CDC42BPB: variants seen among roughly 807,000 people sequenced by gnomAD.
CDC42BPB encodes the protein serine/threonine-protein kinase MRCK beta.
In CDC42BPB, 37 loss-of-function variants were observed where a neutral mutation model predicts 214.9. That is an observed-to-expected ratio of 0.17 (90% CI 0.13 to 0.23). The LOEUF (loss-of-function observed/expected upper bound fraction) is 0.23, where lower values mean the gene tolerates loss of function less well. Among genes scored for constraint, CDC42BPB ranks in the 10% least tolerant of loss-of-function variants. CDC42BPB has a pLI of 1.00. For synonymous variants in CDC42BPB, 931 were observed against 884.0 expected, an observed-to-expected ratio of 1.05 and a Z score of -0.94; for missense variants, 1,694 against 2,227.0, an observed-to-expected ratio of 0.76 and a Z score of 4.82.
intron 17 of CDC42BPB, 129 bp from the exon 18 acceptor site, chr14:102,966,516 T>G: frequency 2.0e-6 from 3 of 1,469,294 alleles, no homozygotes; most frequent in Non-Finnish European, 2.7e-6. Context: ...GTGCCCGCAG[T>G]GTACCCGTTG....
intron 36 of CDC42BPB, among the ~76,000 whole-genome samples, chr14:102,935,568 T>TCA (rs1891613518): frequency 1.3e-5 from 2 of 152,204 alleles, no homozygotes; most frequent in African/African-American, 2.4e-5. Flanking sequence ...GGCGGGCAGA[T>TCA]CACTTGAGGT....
rs535563368 is a variant in CDC42BPB, at chr14:102,944,795, C to T, written c.3812-308G>A. ...GTGCACCAGGGCTCCAGCTGGGCAG[C>T]GCTTCCACCTGGGTCCTCGCGCAGC... On this transcript the variant is annotated intron_variant, in intron 29 of 36. Coordinates refer to ENST00000361246, the MANE Select transcript of CDC42BPB (RefSeq NM_006035.4). The surrounding 1 kb of genome is among the most constrained non-coding windows in gnomAD (Gnocchi z 6.6). 1.1e-5 allele frequency: 5 copies of T among 452,032 alleles called. No homozygotes were observed. Among genetic ancestry groups the T allele is most frequent in the East Asian group, 1.5e-4 (1 of 6,612 alleles). The allele number at this position is 452,032 out of a possible 1,614,324, so 28.0% of individuals were successfully genotyped here.
intron 3 of CDC42BPB, among the ~76,000 whole-genome samples, chr14:103,007,709 G>A (rs1309904980): frequency 6.6e-6 from 1 of 152,236 alleles, no homozygotes; most frequent in African/African-American, 2.4e-5. Context: ...ATGGCAGCCT[G>A]CAAGGAGGGG....
intron 12 of CDC42BPB, among the ~76,000 whole-genome samples, chr14:102,972,822 CAGCCG>C (rs1161565770): frequency 6.7e-6 from 1 of 150,198 alleles, no homozygotes; most frequent in African/African-American, 2.5e-5. Flanking sequence ...GTCACCTGCA[CAGCCG>C]CAAAGCTGAA....
chr14:102,967,638 C>A (rs185393702), intron 16 of CDC42BPB, among the ~76,000 whole-genome samples: 8 of 152,298 alleles, frequency 5.3e-5, no homozygotes, highest in Admixed American at 4.6e-4. Flanking sequence ...TGTTGCTGTG[C>A]GGGACGCTGC....
At chr14:102,977,799 C>G (rs1893824854) in intron 9 of CDC42BPB, among the ~76,000 whole-genome samples, 1 of 152,148 alleles carries the variant, frequency 6.6e-6, no homozygotes, top group Non-Finnish European at 1.5e-5. Context: ...CTGCCCGAGG[C>G]CTGTTTCTGC....
rs35191792 is a variant in CDC42BPB, at chr14:102,942,860, G to A, written c.4408+1031C>T. On this transcript the variant is annotated intron_variant, in intron 30 of 36. Coordinates refer to ENST00000361246, the MANE Select transcript of CDC42BPB (RefSeq NM_006035.4). ...GCTGGGACTACAGGCATGTGGCACC[G>A]TGCCTGGCTAGTTTGTTTGTTTGTT... Among the ~76,000 whole-genome samples the A allele has an allele frequency of 5.5e-4, 83 of 150,884 alleles. 1 individual carries two copies. In the East Asian group the frequency reaches 0.011, roughly 20 times the overall value.
chr14:103,046,823 T>C (rs1179208468), intron 1 of CDC42BPB, among the ~76,000 whole-genome samples: 1 of 151,810 alleles, frequency 6.6e-6, no homozygotes, highest in African/African-American at 2.4e-5. Flanking sequence ...CCGGCTAGTT[T>C]TTGTATTTTT....
rs546063902 is a variant in CDC42BPB at position 103,026,793 on chromosome 14, G to A, written c.176-14605C>T. 1.5e-3 allele frequency among the ~76,000 whole-genome samples: 223 copies of A among 152,042 alleles called. 2 individuals are homozygous for A. In the South Asian group the frequency reaches 0.018, roughly 12 times the overall value. On this transcript the variant is annotated intron_variant, in intron 1 of 36. Transcript: ENST00000361246. ...TGAGGCAGGAGAATGGCGTGAACCCGGGAGGCGGAGCTTGCAGTGAGCTGA... is the reference window on the plus strand; with the variant it reads ...TGAGGCAGGAGAATGGCGTGAACCCAGGAGGCGGAGCTTGCAGTGAGCTGA...
intron 2 of CDC42BPB, among the ~76,000 whole-genome samples, chr14:103,009,413 C>T (rs1238422854): frequency 2.6e-5 from 4 of 152,154 alleles, no homozygotes; most frequent in Non-Finnish European, 5.9e-5. Flanking sequence ...TTCTAAAATC[C>T]ATCTTGTACA....
intron 12 of CDC42BPB, 97 bp downstream of exon 12, chr14:102,973,918 AG>A (rs1218941718): frequency 5.3e-5 from 74 of 1,404,330 alleles, no homozygotes; most frequent in Non-Finnish European, 6.9e-5. Flanking sequence ...GCCCATGGGC[AG>A]GAGTCCCAAG....
intron 35 of CDC42BPB, 29 bp from the exon 36 acceptor site, chr14:102,938,203 G>C (rs754567559): frequency 3.1e-6 from 5 of 1,610,704 alleles, no homozygotes; most frequent in Non-Finnish European, 3.4e-6. Flanking sequence ...TTTCCTCTTA[G>C]GGAGAAAGTC....
At chr14:103,006,678 A>C (rs1197720712) in intron 3 of CDC42BPB, among the ~76,000 whole-genome samples, 1 of 152,252 alleles carries the variant, frequency 6.6e-6, no homozygotes, top group Non-Finnish European at 1.5e-5. Flanking sequence ...AAATAAGTCT[A>C]TGATATAAAA....
rs28622314 is a variant in CDC42BPB at position 102,938,588 on chromosome 14, T to C, written c.4828-177A>G. On this transcript the variant is annotated intron_variant, in intron 34 of 36. Coordinates refer to ENST00000361246, the MANE Select transcript of CDC42BPB (RefSeq NM_006035.4). ...ACAGTCTGGAACTAAGAACTGGCAATAGCAACTTCAGGGCAGGTCAAATCC... is the reference window on the plus strand; with the variant it reads ...ACAGTCTGGAACTAAGAACTGGCAACAGCAACTTCAGGGCAGGTCAAATCC... 0.014 allele frequency: 14,104 copies of C among 982,304 alleles called. 1,425 individuals are homozygous for C. In the African/African-American group the frequency reaches 0.22, roughly 15 times the overall value. The allele number at this position is 982,304 out of a possible 1,614,324, so 60.8% of individuals were successfully genotyped here.
rs1303135383 is a variant in CDC42BPB, at chr14:103,044,518, C to T, written c.175+12481G>A. On this transcript the variant is annotated intron_variant, in intron 1 of 36. Coordinates refer to ENST00000361246, the MANE Select transcript of CDC42BPB (RefSeq NM_006035.4). ...CTGAGTAGCTGGGACTACAGGCGCCCGCCACCATGCCCGGCTAACTTTTTG... is the reference window on the plus strand; with the variant it reads ...CTGAGTAGCTGGGACTACAGGCGCCTGCCACCATGCCCGGCTAACTTTTTG... 5.3e-5 allele frequency among the ~76,000 whole-genome samples: 8 copies of T among 152,050 alleles called. No homozygotes were observed. In the East Asian group the frequency reaches 1.6e-3, roughly 30 times the overall value.
At chr14:102,961,685 A>G (rs1892969455) in intron 20 of CDC42BPB, among the ~76,000 whole-genome samples, 1 of 152,084 alleles carries the variant, frequency 6.6e-6, no homozygotes, top group African/African-American at 2.4e-5. Context: ...CTGGGATTAC[A>G]GGCATGCACC....
At chr14:102,955,425 A>G (rs35046155) in intron 21 of CDC42BPB, among the ~76,000 whole-genome samples, 2 of 152,358 alleles carry the variant, frequency 1.3e-5, no homozygotes, top group East Asian at 3.9e-4. Flanking sequence ...CTCAAAAGAA[A>G]AAGAGAAAGA....
At chr14:102,985,839 A>G (rs1025754175) in intron 6 of CDC42BPB, among the ~76,000 whole-genome samples, 1 of 152,392 alleles carries the variant, frequency 6.6e-6, no homozygotes, top group East Asian at 1.9e-4. Context: ...AGCTGCCAAC[A>G]GGGTGTGAGC....
At chr14:103,047,837 A>AGGTTG (rs1323055605) in intron 1 of CDC42BPB, among the ~76,000 whole-genome samples, 2 of 148,356 alleles carry the variant, frequency 1.3e-5, no homozygotes, top group Non-Finnish European at 3.0e-5. Flanking sequence ...CGGGAGGTGG[A>AGGTTG]GGTTGCAGTG....
Sources: gnomAD v4.1 joint callset for allele counts (sites outside exome capture counted in the v4.1 genomes callset) on GRCh38, gnomAD v4.1.1 for gene constraint, Gnocchi (gnomAD v3.1) non-coding constraint, MANE v1.5 for transcripts, NCBI Gene and HGNC (gene_info 2026-07-23, HGNC 2026-07-21) for gene names.